Variants in PBDC1 observed in about 807,000 individuals in gnomAD.
PBDC1 encodes the protein polysaccharide biosynthesis domain containing 1.
In PBDC1, 3 loss-of-function variants were observed where a neutral mutation model predicts 12.0. The ratio of observed to expected loss-of-function variants is 0.25; its 90% confidence interval spans 0.11 to 0.64. The LOEUF (loss-of-function observed/expected upper bound fraction) is 0.64, where lower values mean the gene tolerates loss of function less well. PBDC1 is among the 30% of genes least tolerant of loss of function. The probability of loss-of-function intolerance (pLI) is 0.84; values close to 1 mark genes in which losing one functional copy is unlikely to be tolerated. For synonymous variants in PBDC1, 64 were observed against 56.4 expected, an observed-to-expected ratio of 1.13 and a Z score of -0.60; for missense variants, 162 against 168.1, an observed-to-expected ratio of 0.96 and a Z score of 0.20.
intron 5 of PBDC1, 125 bp from the exon 6 acceptor site, chrX:76,177,491 C>T: frequency 1.7e-6 from 1 of 575,803 alleles, no homozygotes; most frequent in Non-Finnish European, 2.8e-6. Context: ...ATTGAGGCTG[C>T]AGTAAGCTGT....
rs1924768525 is a variant in PBDC1 at position 76,175,481 on chromosome X, A to G, written c.165A>G (p.Ser55=). 8.3e-7 allele frequency: 1 copy of G among 1,207,004 alleles called. No individual in the cohort carries two copies. Among genetic ancestry groups the G allele is most frequent in the African/African-American group, 1.8e-5 (1 of 57,022 alleles). Reference sequence around the variant, plus strand: ...GTCTTACTGTTTCGCAGCTGATTTCATCAGTTGACCCACAGTTCCTGAAAC... The same window carrying G: ...GTCTTACTGTTTCGCAGCTGATTTCGTCAGTTGACCCACAGTTCCTGAAAC... ...QHAEVYYKLI[S]SVDPQFLKLT... The change falls in exon 4 of 6, where the codon TCA becomes TCG. Residue 55 remains serine (S), a synonymous_variant. Coordinates refer to ENST00000373358, the MANE Select transcript of PBDC1 (RefSeq NM_016500.5).
intron 2 of PBDC1, 23 bp from the exon 3 acceptor site, chrX:76,174,866 CT>C: frequency 8.4e-7 from 1 of 1,187,967 alleles, no homozygotes. Flanking sequence ...GATTTATGAC[CT>C]GGCATTCTTC....
At chrX:76,176,522 G>A (rs1328882112) in intron 4 of PBDC1, among the ~76,000 whole-genome samples, 1 of 112,161 alleles carries the variant, frequency 8.9e-6, no homozygotes, top group Non-Finnish European at 1.9e-5. Flanking sequence ...TGTCACTACT[G>A]AATGGACTTC....
At chrX:76,177,061 AG>A in intron 5 of PBDC1, 69 bp downstream of exon 5, 1 of 684,439 alleles carries the variant, frequency 1.5e-6, no homozygotes, top group Non-Finnish European at 2.3e-6. Flanking sequence ...CTGATGAATC[AG>A]TGATGTGTAT....
chrX:76,174,990 T>C lies in PBDC1; in HGVS notation c.156+41T>C, dbSNP rs782376423. On this transcript the variant is annotated intron_variant, in intron 3 of 5. Coordinates refer to ENST00000373358, the MANE Select transcript of PBDC1 (RefSeq NM_016500.5). ...TCATCATTAAGCAGAATTAAACATGTAATTATAGTGTATGATGCTCTGCTT... is the reference window on the plus strand; with the variant it reads ...TCATCATTAAGCAGAATTAAACATGCAATTATAGTGTATGATGCTCTGCTT... The C allele has an allele frequency of 1.2e-5, 12 of 965,186 alleles. No individual in the cohort carries two copies. The Admixed American group carries it at 2.6e-4, about 21-fold the overall frequency. The allele number at this position is 965,186 out of a possible 1,213,427, so 79.5% of individuals were successfully genotyped here.
Position 76,176,950 on chromosome X carries a change from C to A in PBDC1, c.367C>A (p.Leu123Ile). Residue 123 changes from leucine (L) to isoleucine (I), a missense_variant, in exon 5 of 6, where the codon CTA (leucine) becomes ATA (isoleucine). By Grantham distance (5) the Leu-to-Ile change is conservative (BLOSUM62 2). Around this residue, in one of 3 missense-constraint regions of PBDC1, gnomAD observed 100 missense variants for 96.2 expected, o/e 1.04. Coordinates refer to ENST00000373358, the MANE Select transcript of PBDC1 (RefSeq NM_016500.5). ...CTTCAACTATGGTACTTTGCTGCGA[C>A]TAGATTGTTCTCAGGGCTACACTGA... ...EDFNYGTLLR[L>I]DCSQGYTEEN... 8.3e-7 allele frequency: 1 copy of A among 1,204,449 alleles called. No homozygotes were observed. The highest frequency in any genetic ancestry group is 1.1e-6 in the Non-Finnish European group (1 of 889,539).
In PBDC1 at chrX:76,177,984, C is replaced by A; in HGVS notation, c.*76C>A. On this transcript the variant is annotated 3_prime_UTR_variant, in exon 6 of 6. Transcript: ENST00000373358. ...GTACCACGGTGCTACTTGCACAGAC[C>A]CCTTTGGTTAAATGTAAATTCTTGT... 2.5e-6 allele frequency: 3 copies of A among 1,178,440 alleles called. No homozygotes were observed. The highest frequency in any genetic ancestry group is 3.9e-5 in the South Asian group (2 of 51,938).
chrX:76,174,398 C>A (rs1200978331), intron 2 of PBDC1, among the ~76,000 whole-genome samples: 2 of 111,868 alleles, frequency 1.8e-5, no homozygotes, highest in African/African-American at 6.5e-5. Context: ...CTTATTATAA[C>A]CTTGACCTGT....
intron 4 of PBDC1, among the ~76,000 whole-genome samples, chrX:76,176,188 C>T (rs1924787692): frequency 9.5e-6 from 1 of 105,566 alleles, no homozygotes; most frequent in Non-Finnish European, 1.9e-5. Flanking sequence ...GGGTCTCACT[C>T]TGTTGCCCAG....
chrX:76,177,975 T>G lies in PBDC1; in HGVS notation c.*67T>G, dbSNP rs1166876868. 2.5e-6 allele frequency: 3 copies of G among 1,183,649 alleles called. No individual in the cohort carries two copies. Among genetic ancestry groups the G allele is most frequent in the Non-Finnish European group, 3.4e-6 (3 of 885,521 alleles). On this transcript the variant is annotated 3_prime_UTR_variant, in exon 6 of 6. Coordinates refer to ENST00000373358, the MANE Select transcript of PBDC1 (RefSeq NM_016500.5). ...AGACTACAAGTACCACGGTGCTACT[T>G]GCACAGACCCCTTTGGTTAAATGTA...
chrX:76,175,068 A>G, intron 3 of PBDC1, 119 bp downstream of exon 3: 1 of 603,643 alleles, frequency 1.7e-6, no homozygotes, highest in Non-Finnish European at 2.7e-6. Context: ...GTTTTTATTA[A>G]TGTAAGTTCT....
intron 4 of PBDC1, among the ~76,000 whole-genome samples, chrX:76,176,159 GT>G (rs35405679): frequency 1.5e-4 from 15 of 98,402 alleles, no homozygotes; most frequent in East Asian, 3.1e-4. Flanking sequence ...TTGTTTTTTG[GT>G]TTTTTTTTTT....
rs1556796562 is a variant in PBDC1 at position 76,173,131 on chromosome X, G to C, written c.-8G>C. ...TGCGGAAGGAGCCACGCTTTCGGGG[G>C]TTGCAAGATGGCGGCCACCAGTGGA... On this transcript the variant is annotated 5_prime_UTR_variant, in exon 1 of 6. Coordinates refer to ENST00000373358, the MANE Select transcript of PBDC1 (RefSeq NM_016500.5). The C allele has an allele frequency of 8.5e-7, 1 of 1,176,471 alleles. No homozygotes were observed. The highest frequency in any genetic ancestry group is 1.8e-5 in the African/African-American group (1 of 56,939).
intron 5 of PBDC1, among the ~76,000 whole-genome samples, chrX:76,177,320 G>T (rs1203881698): frequency 9.0e-6 from 1 of 111,065 alleles, no homozygotes; most frequent in African/African-American, 3.3e-5. Flanking sequence ...AGGCTGACAT[G>T]GGAGGATCAC....
chrX:76,176,457 G>T (rs910170924), intron 4 of PBDC1, among the ~76,000 whole-genome samples: 10 of 111,639 alleles, frequency 9.0e-5, no homozygotes, highest in Non-Finnish European at 1.5e-4. Context: ...ACCCAGCCAA[G>T]AAACTACACT....
intron 4 of PBDC1, among the ~76,000 whole-genome samples, chrX:76,176,397 C>T (rs1218050553): frequency 2.7e-5 from 3 of 111,199 alleles, no homozygotes; most frequent in Non-Finnish European, 5.7e-5. Context: ...TCAAGCGATC[C>T]GCCCGCCTCG....
intron 2 of PBDC1, among the ~76,000 whole-genome samples, chrX:76,173,994 T>C (rs1488928671): frequency 8.9e-6 from 1 of 112,330 alleles, no homozygotes; most frequent in Admixed American, 9.4e-5. Flanking sequence ...GATTCCATTG[T>C]GCAGCTTATG....
intron 4 of PBDC1, among the ~76,000 whole-genome samples, chrX:76,176,262 T>C (rs1339028565): frequency 1.8e-5 from 2 of 109,966 alleles, no homozygotes; most frequent in Non-Finnish European, 3.8e-5. Flanking sequence ...CAAACAGTCC[T>C]CCTGCTTCAG....
chrX:76,173,522 C>T (rs1426553599), intron 1 of PBDC1, 63 bp from the exon 2 acceptor site: 2 of 905,446 alleles, frequency 2.2e-6, no homozygotes, highest in African/African-American at 2.0e-5. Context: ...TGCGACTGGC[C>T]TTGGGGGGAG....
Sources: allele counts gnomAD v4.1 joint callset (sites outside exome capture counted in the v4.1 genomes callset), GRCh38; gene constraint gnomAD v4.1.1; regional missense constraint gnomAD v4.1.1; transcripts MANE v1.5; gene names NCBI Gene and HGNC (gene_info 2026-07-23, HGNC 2026-07-21).